THSD7B: variants seen among roughly 807,000 people sequenced by gnomAD.
THSD7B encodes thrombospondin type 1 domain containing 7B.
A neutral mutation model predicts 213.6 loss-of-function variants in THSD7B; 138 were observed. The ratio of observed to expected loss-of-function variants is 0.65; its 90% confidence interval spans 0.56 to 0.74. THSD7B has a LOEUF of 0.74. Ranked by LOEUF, THSD7B falls within the 30% of genes least tolerant of loss-of-function variation. The pLI is 0.00. For missense variants in THSD7B, 1,931 were observed against 1,991.5 expected, an observed-to-expected ratio of 0.97 and a Z score of 0.58; for synonymous variants, 742 against 687.0, an observed-to-expected ratio of 1.08 and a Z score of -1.25.
chr2:137,569,297 T>C (rs998564156), intron 16 of THSD7B, among the ~76,000 whole-genome samples: 9 of 152,226 alleles, frequency 5.9e-5, no homozygotes, highest in Non-Finnish European at 1.2e-4. Flanking sequence ...TATAAGATAA[T>C]ACAGTTCCAT....
intron 2 of THSD7B, among the ~76,000 whole-genome samples, chr2:136,893,820 A>G (rs1184745459): frequency 6.6e-6 from 1 of 152,232 alleles, no homozygotes; most frequent in Non-Finnish European, 1.5e-5. Flanking sequence ...CTGAGACTCA[A>G]TTAGAGAAAT....
chr2:136,979,684 T>A (rs1165399454), intron 2 of THSD7B, among the ~76,000 whole-genome samples: 2 of 152,204 alleles, frequency 1.3e-5, no homozygotes, highest in Non-Finnish European at 2.9e-5. Flanking sequence ...TTGTAATGTT[T>A]TATCATGGTT....
intron 7 of THSD7B, among the ~76,000 whole-genome samples, chr2:137,211,336 A>ACACACACACACACACACACACAGAGG (rs1681099368): frequency 1.0e-4 from 8 of 77,264 alleles, no homozygotes; most frequent in African/African-American, 3.3e-4. Context: ...CTTCCTACAC[A>ACACACACACACACACACACACAGAGG]CACACACACA....
chr2:137,577,937 G>A (rs1056034731), intron 17 of THSD7B, among the ~76,000 whole-genome samples: 1 of 152,170 alleles, frequency 6.6e-6, no homozygotes, highest in East Asian at 1.9e-4. Flanking sequence ...GGAGAGAGAA[G>A]AGAATTTTCA....
intron 21 of THSD7B, 67 bp from the exon 22 acceptor site, chr2:137,655,405 TGCAACTATGGTCTTCTTAGGCAAGAGGTG>T (rs1683215316): frequency 7.5e-7 from 1 of 1,335,032 alleles, no homozygotes; most frequent in Non-Finnish European, 1.0e-6. Flanking sequence ...TACGAAAATA[TGCAACTATGGTCTTCTTAGGCAAGAGGTG>T]GCAAGAGCCA....
At chr2:136,778,205 G>T (rs763143998) in intron 1 of THSD7B, among the ~76,000 whole-genome samples, 10 of 152,032 alleles carry the variant, frequency 6.6e-5, no homozygotes, top group Non-Finnish European at 1.5e-4. Context: ...TTGCTTTCCT[G>T]CTCAAATTCT....
intron 2 of THSD7B, among the ~76,000 whole-genome samples, chr2:137,010,218 G>A (rs921581574): frequency 3.9e-5 from 6 of 152,178 alleles, no homozygotes; most frequent in Admixed American, 6.5e-5. Flanking sequence ...CTCACAGTCA[G>A]CAACAGTGGA....
chr2:137,344,882 T>C (rs2104912122), intron 12 of THSD7B, among the ~76,000 whole-genome samples: 1 of 151,776 alleles, frequency 6.6e-6, no homozygotes, highest in East Asian at 1.9e-4. Context: ...AGGGGATATA[T>C]ATGTATGTTA....
At chr2:137,644,954 C>T (rs1244578015) in intron 21 of THSD7B, among the ~76,000 whole-genome samples, 1 of 152,172 alleles carries the variant, frequency 6.6e-6, no homozygotes, top group South Asian at 2.1e-4. Context: ...CATTTCCTAA[C>T]TCTTCCCAAG....
chr2:137,261,152 CTCACTGT>C (rs1449764074), intron 10 of THSD7B, among the ~76,000 whole-genome samples: 1 of 151,886 alleles, frequency 6.6e-6, no homozygotes, highest in East Asian at 1.9e-4. Context: ...CCTAGAGAGG[CTCACTGT>C]TCAAAGACAG....
At chr2:137,485,790 G>A (rs902966333) in intron 15 of THSD7B, among the ~76,000 whole-genome samples, 8 of 152,238 alleles carry the variant, frequency 5.3e-5, no homozygotes, top group East Asian at 1.9e-4. Flanking sequence ...GACTAACAGC[G>A]GATCTCTCAG....
At chr2:137,060,672 G>A (rs150126464) in intron 3 of THSD7B, among the ~76,000 whole-genome samples, 1 of 151,988 alleles carries the variant, frequency 6.6e-6, no homozygotes, top group Non-Finnish European at 1.5e-5. Flanking sequence ...AATTGACTAT[G>A]TTGATATGAG....
chr2:137,625,240 C>T (rs1019628966), intron 20 of THSD7B, among the ~76,000 whole-genome samples: 1 of 148,060 alleles, frequency 6.8e-6, no homozygotes, highest in Non-Finnish European at 1.5e-5. Flanking sequence ...AAACCAAAGA[C>T]TGCATGTTCT....
At chr2:136,953,686 C>T (rs1431631406) in intron 2 of THSD7B, among the ~76,000 whole-genome samples, 2 of 152,196 alleles carry the variant, frequency 1.3e-5, no homozygotes, top group Admixed American at 1.3e-4. Context: ...TTATCTCCCT[C>T]ATAAAATAAT....
intron 2 of THSD7B, among the ~76,000 whole-genome samples, chr2:136,903,136 A>G (rs1009576783): frequency 4.7e-5 from 7 of 149,962 alleles, no homozygotes; most frequent in African/African-American, 1.7e-4. Context: ...GAATAAGGTT[A>G]TTGACAGCTA....
chr2:137,298,469 T>G lies in THSD7B; in HGVS notation c.2500+22443T>G, dbSNP rs1202277. ...AGAAACTCAAGCCAGCTGCAAAAAT[T>G]TGCATAAGTAGCAAGAAGCCTAATG... is the stretch of plus-strand genomic sequence containing the variant. On this transcript the variant is annotated intron_variant, in intron 12 of 27. Transcript: ENST00000409968. 4.9e-3 allele frequency among the ~76,000 whole-genome samples: 742 copies of G among 152,238 alleles called. 8 individuals are homozygous for G. Among genetic ancestry groups the G allele is most frequent in the African/African-American group, 0.017 (698 of 41,558 alleles).
intron 2 of THSD7B, among the ~76,000 whole-genome samples, chr2:136,968,759 T>A (rs2104797840): frequency 6.6e-6 from 1 of 152,260 alleles, no homozygotes; most frequent in Non-Finnish European, 1.5e-5. Context: ...TTTTTGATAT[T>A]TGTTTATGCT....
intron 15 of THSD7B, among the ~76,000 whole-genome samples, chr2:137,520,386 A>G (rs979529483): frequency 2.6e-5 from 4 of 152,236 alleles, no homozygotes; most frequent in African/African-American, 9.6e-5. Flanking sequence ...AAACTAGGAT[A>G]AGCACTCTGT....
chr2:136,961,702 A>G (rs951384995), intron 2 of THSD7B, among the ~76,000 whole-genome samples: 5 of 152,172 alleles, frequency 3.3e-5, no homozygotes, highest in African/African-American at 1.2e-4. Flanking sequence ...ATAAACTATC[A>G]TGGAAAAGGG....
Sources: gnomAD v4.1 joint callset for allele counts (sites outside exome capture counted in the v4.1 genomes callset) on GRCh38, gnomAD v4.1.1 for gene constraint, MANE v1.5 for transcripts, NCBI Gene and HGNC (gene_info 2026-07-23, HGNC 2026-07-21) for gene names.